Variants in SPECC1L observed in about 807,000 individuals in gnomAD.
The protein encoded by SPECC1L is sperm antigen with calponin homology and coiled-coil domains 1 like, also known as cytospin-A.
SPECC1L carries 40 observed loss-of-function variants against 116.8 expected under a neutral mutation model. That is an observed-to-expected ratio of 0.34 (90% CI 0.27 to 0.45). The LOEUF is 0.45. Ranked by LOEUF, SPECC1L falls within the 20% of genes least tolerant of loss-of-function variation. The pLI is 1.00. For missense variants in SPECC1L, 1,110 were observed against 1,373.6 expected, an observed-to-expected ratio of 0.81 and a Z score of 3.03; for synonymous variants, 504 against 500.6, an observed-to-expected ratio of 1.01 and a Z score of -0.09.
intron 11 of SPECC1L, among the ~76,000 whole-genome samples, chr22:24,358,104 TG>T (rs1283480764): frequency 3.3e-5 from 5 of 150,872 alleles, no homozygotes; most frequent in African/African-American, 9.8e-5. Context: ...AGAGGTGTTT[TG>T]TTTTTTTTGG....
rs767421723 is a variant in SPECC1L, at chr22:24,365,481, C to T, written c.2833C>T (p.Arg945Ter). 2 of 1,613,920 alleles carry T rather than the reference C, an allele frequency of 1.2e-6. No individual in the cohort carries two copies. Among genetic ancestry groups the T allele is most frequent in the Non-Finnish European group, 8.5e-7 (1 of 1,179,928 alleles). ...MESAKTLSVS[R>*]RSSEEVKRDI... is the part of the protein sequence containing the mutation. ...ATAATGACTATTTCTCACAGTGTCT[C>T]GACGAAGTAGTGAAGAAGTGAAACG... The change falls in exon 13 of 17, where the codon CGA becomes TGA. Residue 945 changes from arginine (R) to a stop codon, truncating the protein, a stop_gained. Coordinates refer to ENST00000314328, the MANE Select transcript of SPECC1L (RefSeq NM_015330.6). LOFTEE classifies it high-confidence loss of function.
intron 3 of SPECC1L, among the ~76,000 whole-genome samples, chr22:24,307,600 AGTGT>A (rs532530564): frequency 2.0e-5 from 3 of 149,668 alleles, no homozygotes; most frequent in Non-Finnish European, 4.5e-5. Context: ...TGTGTATGTG[AGTGT>A]GTGTGTGTGT....
intron 2 of SPECC1L, among the ~76,000 whole-genome samples, chr22:24,298,270 T>C (rs554089594): frequency 1.3e-5 from 2 of 152,332 alleles, no homozygotes; most frequent in Admixed American, 1.3e-4. Context: ...TAAAGTGTAT[T>C]AAATGCATTT....
intron 2 of SPECC1L, among the ~76,000 whole-genome samples, chr22:24,283,710 T>C (rs2048989582): frequency 2.6e-5 from 4 of 152,222 alleles, no homozygotes; most frequent in Admixed American, 2.6e-4. Flanking sequence ...GGGGTTTTCT[T>C]TGTAGGAAAG....
intron 10 of SPECC1L, among the ~76,000 whole-genome samples, chr22:24,344,764 ATTTG>A (rs921249131): frequency 3.1e-4 from 47 of 152,316 alleles, no homozygotes; most frequent in African/African-American, 1.1e-3. Context: ...TACAAAAGTT[ATTTG>A]TTTTTCTGTA....
At chr22:24,366,290 T>C (rs966381941) in intron 13 of SPECC1L, among the ~76,000 whole-genome samples, 2 of 150,964 alleles carry the variant, frequency 1.3e-5, no homozygotes, top group African/African-American at 4.9e-5. Flanking sequence ...CCCCCTGGGG[T>C]TCATGCCATT....
intron 2 of SPECC1L, among the ~76,000 whole-genome samples, 167 bp downstream of exon 2, chr22:24,276,970 G>A (rs1362395555): frequency 3.3e-5 from 5 of 152,178 alleles, no homozygotes; most frequent in Non-Finnish European, 7.3e-5. Context: ...TAAAACTTTG[G>A]TGGGGTAGAG....
chr22:24,360,089 G>A (rs748968452), intron 11 of SPECC1L, among the ~76,000 whole-genome samples: 2 of 152,086 alleles, frequency 1.3e-5, no homozygotes, highest in Non-Finnish European at 2.9e-5. Flanking sequence ...TTTAATGAAT[G>A]GATTAAGACA....
intron 14 of SPECC1L, among the ~76,000 whole-genome samples, chr22:24,388,862 A>G (rs550342174): frequency 5.3e-5 from 8 of 152,252 alleles, no homozygotes; most frequent in South Asian, 2.1e-4. Context: ...GTACCATACA[A>G]CTCACCAAGT....
intron 1 of SPECC1L, among the ~76,000 whole-genome samples, chr22:24,274,256 C>T (rs572326890): frequency 6.6e-6 from 1 of 152,254 alleles, no homozygotes; most frequent in Non-Finnish European, 1.5e-5. Context: ...CCTTAAACAA[C>T]GTATTTTGGG....
chr22:24,377,761 G>C (rs1330650382), intron 14 of SPECC1L, among the ~76,000 whole-genome samples: 2 of 152,222 alleles, frequency 1.3e-5, no homozygotes, highest in Admixed American at 1.3e-4. Context: ...TCAATGAGCA[G>C]TAATATTTTG....
chr22:24,284,824 G>A (rs1307490544), intron 2 of SPECC1L, among the ~76,000 whole-genome samples: 2 of 152,150 alleles, frequency 1.3e-5, no homozygotes, highest in African/African-American at 4.8e-5. Context: ...CAATTTGAAA[G>A]AATACAGAAA....
rs778187636 is a variant in SPECC1L at position 24,322,253 on chromosome 22, C to T, written c.1273C>T (p.Gln425Ter). 2 of 1,614,088 alleles carry T rather than the reference C, an allele frequency of 1.2e-6. No homozygotes were observed. Among genetic ancestry groups the T allele is most frequent in the Non-Finnish European group, 1.7e-6 (2 of 1,180,050 alleles). Reference protein sequence around the residue: ...QATLQELADLQQITQELNSEN... With the variant: ...QATLQELADL ...AACCCTGCAAGAGCTAGCTGATTTACAGCAGATTACCCAGGAACTGAATAG... is the reference window on the plus strand; with the variant it reads ...AACCCTGCAAGAGCTAGCTGATTTATAGCAGATTACCCAGGAACTGAATAG... The change falls in exon 5 of 17, where the codon CAG becomes TAG. Residue 425 changes from glutamine to a stop codon, truncating the protein, a stop_gained. Coordinates refer to ENST00000314328, the MANE Select transcript of SPECC1L (RefSeq NM_015330.6). LOFTEE classifies it high-confidence loss of function.
intron 4 of SPECC1L, among the ~76,000 whole-genome samples, chr22:24,318,330 C>T (rs915247428): frequency 6.6e-6 from 1 of 152,210 alleles, no homozygotes; most frequent in Non-Finnish European, 1.5e-5. Flanking sequence ...ACCAGCCCGG[C>T]CAACACAGCG....
At chr22:24,313,718 T>C (rs1325256474) in intron 4 of SPECC1L, among the ~76,000 whole-genome samples, 3 of 151,936 alleles carry the variant, frequency 2.0e-5, no homozygotes. Flanking sequence ...ATAAATACTT[T>C]ATTATCTTGG....
chr22:24,350,082 G>T (rs1041007489), intron 11 of SPECC1L, among the ~76,000 whole-genome samples: 3 of 151,966 alleles, frequency 2.0e-5, no homozygotes, highest in Non-Finnish European at 4.4e-5. Flanking sequence ...GAGTACTTGG[G>T]CATGCTCCTG....
At chr22:24,376,072 C>T (rs2041966308) in intron 14 of SPECC1L, among the ~76,000 whole-genome samples, 1 of 152,142 alleles carries the variant, frequency 6.6e-6, no homozygotes, top group African/African-American at 2.4e-5. Context: ...TCGTTTATCA[C>T]CATTTCTATT....
intron 11 of SPECC1L, among the ~76,000 whole-genome samples, chr22:24,361,939 A>G (rs2041653849): frequency 6.6e-6 from 1 of 152,212 alleles, no homozygotes; most frequent in African/African-American, 2.4e-5. Context: ...AATATATGTT[A>G]TCCTTAAGAG....
chr22:24,296,294 A>G (rs2049261009), intron 2 of SPECC1L, among the ~76,000 whole-genome samples: 1 of 152,206 alleles, frequency 6.6e-6, no homozygotes, highest in South Asian at 2.1e-4. Flanking sequence ...CGCACAGGAC[A>G]TGGTGCTTGC....
Sources: allele counts gnomAD v4.1 joint callset (sites outside exome capture counted in the v4.1 genomes callset), GRCh38; gene constraint gnomAD v4.1.1; transcripts MANE v1.5; gene names NCBI Gene and HGNC (gene_info 2026-07-23, HGNC 2026-07-21).